The following CNTN1 variants were observed in gnomAD, a reference collection of about 807,000 sequenced individuals.
The protein encoded by CNTN1 is contactin 1, also known as contactin-1.
CNTN1 carries 38 observed loss-of-function variants against 126.4 expected under a neutral mutation model. The observed-to-expected ratio is 0.30, with a 90% CI of 0.23 to 0.39. CNTN1 has a LOEUF of 0.39. Among genes scored for constraint, CNTN1 ranks in the 10% least tolerant of loss-of-function variants. The pLI, the probability that CNTN1 is intolerant of heterozygous loss-of-function variation, is 1.00. For synonymous variants in CNTN1, 413 were observed against 422.6 expected (o/e 0.98, Z 0.28); for missense variants, 1,009 against 1,248.4 (o/e 0.81, Z 2.89).
intron 20 of CNTN1, among the ~76,000 whole-genome samples, chr12:41,021,043 T>C (rs1325662936): frequency 6.6e-6 from 1 of 152,054 alleles, no homozygotes; most frequent in Non-Finnish European, 1.5e-5. Flanking sequence ...TTAGTTAGGG[T>C]CTTTAATACA....
chr12:40,844,550 T>G lies in CNTN1; in HGVS notation c.-76-63807T>G, dbSNP rs565218312. On this transcript the variant is annotated intron_variant, in intron 1 of 23. Transcript: ENST00000551295. ...TCTTGCAGTAGTGAAAAAAATATTT[T>G]TGGTAATCTAAGAGTGATATTATTT... Among the ~76,000 whole-genome samples, 43 of 152,318 alleles carry G rather than the reference T, an allele frequency of 2.8e-4. 1 individual carries two copies. In the South Asian group the frequency reaches 6.4e-3, roughly 23 times the overall value.
intron 1 of CNTN1, among the ~76,000 whole-genome samples, chr12:40,761,397 A>G (rs1938861394): frequency 1.3e-5 from 2 of 152,094 alleles, no homozygotes; most frequent in Non-Finnish European, 2.9e-5. Flanking sequence ...TCACTGGAGC[A>G]CTTCTGTTCT....
intron 14 of CNTN1, among the ~76,000 whole-genome samples, chr12:40,946,633 A>G (rs887633905): frequency 6.6e-6 from 1 of 152,134 alleles, no homozygotes; most frequent in African/African-American, 2.4e-5. Flanking sequence ...AACAATTTTC[A>G]TTGCTAAAAA....
At chr12:41,051,893 AACACACACAC>A (rs71078300) in intron 23 of CNTN1, among the ~76,000 whole-genome samples, 3,300 of 134,550 alleles carry the variant, frequency 0.025, 63 homozygotes, top group South Asian at 0.063. Context: ...ACCCCACACA[AACACACACAC>A]ACACACACAC....
intron 1 of CNTN1, among the ~76,000 whole-genome samples, chr12:40,744,265 G>A (rs1417418150): frequency 1.3e-5 from 2 of 150,858 alleles, no homozygotes; most frequent in African/African-American, 2.4e-5. Context: ...AAACTTGCAC[G>A]TCCTGCACAT....
intron 1 of CNTN1, among the ~76,000 whole-genome samples, chr12:40,869,613 C>T (rs890785094): frequency 6.6e-6 from 1 of 152,042 alleles, no homozygotes; most frequent in Admixed American, 6.6e-5. Context: ...GTCAATTCAT[C>T]AGAATGAACT....
intron 7 of CNTN1, among the ~76,000 whole-genome samples, chr12:40,931,671 CA>C (rs1199925574): frequency 6.6e-6 from 1 of 151,940 alleles, no homozygotes; most frequent in Non-Finnish European, 1.5e-5. Flanking sequence ...TATTTATTAT[CA>C]AATCCCAATT....
intron 1 of CNTN1, among the ~76,000 whole-genome samples, chr12:40,762,550 A>G (rs567451056): frequency 1.3e-5 from 2 of 152,356 alleles, no homozygotes; most frequent in African/African-American, 2.4e-5. Flanking sequence ...AAAACTGAGC[A>G]TAAGTTCAAA....
At chr12:40,698,895 T>G (rs954200195) in intron 1 of CNTN1, among the ~76,000 whole-genome samples, 4 of 152,170 alleles carry the variant, frequency 2.6e-5, no homozygotes, top group Non-Finnish European at 5.9e-5. Context: ...GTTTGCCTTC[T>G]CCTAATGCAT....
chr12:40,758,312 A>T (rs1579801), intron 1 of CNTN1, among the ~76,000 whole-genome samples: 145,727 of 148,832 alleles, frequency 0.98, 71,349 homozygotes, highest in Middle Eastern at 1. Context: ...TTTTTTTTTT[A>T]ATTTGTTGGT....
intron 1 of CNTN1, among the ~76,000 whole-genome samples, chr12:40,821,096 T>A (rs1436496821): frequency 6.6e-6 from 1 of 152,254 alleles, no homozygotes; most frequent in East Asian, 1.9e-4. Flanking sequence ...TGTACACATA[T>A]TTCTTGAATA....
chr12:40,978,964 G>A (rs1399739519), intron 15 of CNTN1: 3 of 152,016 alleles, frequency 2.0e-5, no homozygotes, highest in Admixed American at 2.0e-4. Flanking sequence ...TTAACACTCT[G>A]AAATATTCTA....
intron 1 of CNTN1, among the ~76,000 whole-genome samples, chr12:40,702,474 C>T (rs552000980): frequency 1.3e-3 from 200 of 152,212 alleles, no homozygotes; most frequent in Middle Eastern, 3.4e-3. Context: ...GACAGCGTTT[C>T]GCTCTTGTTG....
At position 40,695,121 on chromosome 12, in the gene CNTN1, G is replaced by T. The variant is rs1160624411; in HGVS notation, c.-77+2529G>T. Among the ~76,000 whole-genome samples the T allele has an allele frequency of 2.0e-5, 3 of 152,178 alleles. No individual in the cohort carries two copies. The East Asian group carries it at 5.8e-4, about 29-fold the overall frequency. On this transcript the variant is annotated intron_variant, in intron 1 of 23. Transcript: ENST00000551295. ...GTCTGATTTGTTTTCTAATTAGGAA[G>T]TACTTTGCAGAAAAAGACTACACTT...
chr12:40,879,633 A>G (rs1943805098), intron 1 of CNTN1, among the ~76,000 whole-genome samples: 1 of 152,148 alleles, frequency 6.6e-6, no homozygotes, highest in Non-Finnish European at 1.5e-5. Flanking sequence ...TGTGTCAGGC[A>G]GCAAGGAGGG....
intron 1 of CNTN1, among the ~76,000 whole-genome samples, chr12:40,765,709 G>A (rs1939058106): frequency 6.6e-6 from 1 of 152,184 alleles, no homozygotes; most frequent in African/African-American, 2.4e-5. Flanking sequence ...GACAAGAATA[G>A]TTGGCAAAAG....
At chr12:41,043,229 G>T (rs1949459492) in intron 23 of CNTN1, among the ~76,000 whole-genome samples, 1 of 151,982 alleles carries the variant, frequency 6.6e-6, no homozygotes, top group East Asian at 1.9e-4. Context: ...CAAAATGGGA[G>T]AAAATTTTTG....
Position 40,918,710 on chromosome 12 carries a change from T to C in CNTN1, c.166T>C (p.Ser56Pro). 6.2e-7 allele frequency: 1 copy of C among 1,612,936 alleles called. No homozygotes were observed. Among genetic ancestry groups the C allele is most frequent in the Non-Finnish European group, 8.5e-7 (1 of 1,178,948 alleles). The change falls in exon 4 of 24, where the codon TCA (serine) becomes CCA (proline). Residue 56 changes from serine to proline, a missense_variant. Transcript: ENST00000551295. ...AATCAATACCATTTATCCAGAGGAATCACTGGAAGGAAAAGTCTCACTCAA... is the reference window on the plus strand; with the variant it reads ...AATCAATACCATTTATCCAGAGGAACCACTGGAAGGAAAAGTCTCACTCAA... The part of the protein sequence containing the change: ...QPINTIYPEE[S>P]LEGKVSLNCR...
intron 14 of CNTN1, among the ~76,000 whole-genome samples, chr12:40,951,463 T>C (rs906040940): frequency 1.3e-5 from 2 of 152,096 alleles, no homozygotes; most frequent in Non-Finnish European, 2.9e-5. Flanking sequence ...AATCTTAATA[T>C]TGATGCATTT....
Sources: gnomAD v4.1 joint callset for allele counts (sites outside exome capture counted in the v4.1 genomes callset) on GRCh38, gnomAD v4.1.1 for gene constraint, MANE v1.5 for transcripts, NCBI Gene and HGNC (gene_info 2026-07-23, HGNC 2026-07-21) for gene names.